Variants in RIN3 observed in about 807,000 individuals in gnomAD.
The protein encoded by RIN3 is RAB5 interacting protein 3.
In RIN3, 54 loss-of-function variants were observed where a neutral mutation model predicts 76.3. That is an observed-to-expected ratio of 0.71 (90% confidence interval 0.57 to 0.89). The LOEUF (loss-of-function observed/expected upper bound fraction) is 0.89, where lower values mean the gene tolerates loss of function less well. Ranked by LOEUF, RIN3 falls within the 40% of genes least tolerant of loss-of-function variation. The probability of loss-of-function intolerance (pLI) is 0.00; values close to 1 mark genes in which losing one functional copy is unlikely to be tolerated. For synonymous variants in RIN3, 576 were observed against 564.0 expected, an observed-to-expected ratio of 1.02 and a Z score of -0.30; for missense variants, 1,256 against 1,322.1, an observed-to-expected ratio of 0.95 and a Z score of 0.78.
At chr14:92,654,503 G>T (rs115717208) in intron 6 of RIN3, among the ~76,000 whole-genome samples, 1 of 152,166 alleles carries the variant, frequency 6.6e-6, no homozygotes, top group Non-Finnish European at 1.5e-5. Context: ...TGCTGGGTAC[G>T]GTAAAGGACA....
chr14:92,568,311 G>A lies in RIN3; in HGVS notation c.250-9049G>A, dbSNP rs767037076. ...TATGACCTGGGGACACTCGATCAGC[G>A]AGTGGGCAGGGAGGCAATGTAGATA... On this transcript the variant is annotated intron_variant, in intron 2 of 9. Transcript: ENST00000216487. The surrounding 1 kb of genome is among the most constrained non-coding windows in gnomAD (Gnocchi z 4.2). 4.6e-5 allele frequency among the ~76,000 whole-genome samples: 7 copies of A among 152,174 alleles called. No homozygotes were observed. Among genetic ancestry groups the A allele is most frequent in the Non-Finnish European group, 7.3e-5 (5 of 68,034 alleles).
chr14:92,547,621 C>T (rs1453756628), intron 1 of RIN3, among the ~76,000 whole-genome samples: 1 of 152,050 alleles, frequency 6.6e-6, no homozygotes, highest in Non-Finnish European at 1.5e-5. Context: ...GTCTCAAACT[C>T]CTCAACTGTA....
intron 3 of RIN3, among the ~76,000 whole-genome samples, chr14:92,599,619 G>C (rs1885275350): frequency 6.6e-6 from 1 of 152,114 alleles, no homozygotes; most frequent in African/African-American, 2.4e-5. Context: ...GCAAATACTT[G>C]ACAAGAAAGA....
chr14:92,595,722 G>A (rs1200233222), intron 3 of RIN3, among the ~76,000 whole-genome samples: 2 of 152,144 alleles, frequency 1.3e-5, no homozygotes, highest in Non-Finnish European at 2.9e-5. Flanking sequence ...ACCTCACCTG[G>A]CAAGAGACAG....
chr14:92,547,150 TTTA>T lies in RIN3; in HGVS notation c.45-8593_45-8591del, dbSNP rs10696268. On this transcript the variant is annotated intron_variant, in intron 1 of 9. Coordinates refer to ENST00000216487, the MANE Select transcript of RIN3 (RefSeq NM_024832.5). ...TTATTATAAAGTAAATTATCTTTAT[TTTA>T]TTATTATAAAATAAATTATCTTTAT... is the stretch of plus-strand genomic sequence containing the variant. Among the ~76,000 whole-genome samples, 5 of 41,616 alleles carry T rather than the reference TTTA, an allele frequency of 1.2e-4. 2 individuals carry two copies. The highest frequency in any genetic ancestry group is 2.6e-4 in the Admixed American group (1 of 3,836). 27.3% of individuals were successfully genotyped at this position (41,616 alleles called of 152,430 possible).
intron 3 of RIN3, among the ~76,000 whole-genome samples, chr14:92,604,868 T>C (rs1306388945): frequency 1.3e-5 from 2 of 148,558 alleles, no homozygotes; most frequent in Non-Finnish European, 3.0e-5. Flanking sequence ...CCTGTTACCC[T>C]TCTGTTGAGG....
At chr14:92,598,417 C>G (rs1030622701) in intron 3 of RIN3, among the ~76,000 whole-genome samples, 1 of 152,216 alleles carries the variant, frequency 6.6e-6, no homozygotes. Context: ...CCCAGCTGAG[C>G]CTTGCCAAAT....
At position 92,514,079 on chromosome 14, in the gene RIN3, C is replaced by A; in HGVS notation, c.44+103C>A. The A allele has an allele frequency of 1.2e-6, 1 of 846,692 alleles. No individual in the cohort carries two copies. Among genetic ancestry groups the A allele is most frequent in the East Asian group, 3.4e-5 (1 of 29,588 alleles). 52.4% of individuals were successfully genotyped at this position (846,692 alleles called of 1,614,324 possible). A position where few individuals can be genotyped will look rare whatever the true frequency, so the allele number is the denominator to read the frequency against. The stretch of plus-strand genomic sequence containing the variant: ...CCCAGAGAGTCCTTCGGGCGCGTGA[C>A]CTCGGGGTTGTCGGGCTGATACGGG... On this transcript the variant is annotated intron_variant, in intron 1 of 9. Coordinates refer to ENST00000216487, the MANE Select transcript of RIN3 (RefSeq NM_024832.5). The surrounding 1 kb of genome is among the most constrained non-coding windows in gnomAD (Gnocchi z 7.2).
intron 2 of RIN3, among the ~76,000 whole-genome samples, chr14:92,576,981 C>A (rs953184048): frequency 6.6e-6 from 1 of 152,000 alleles, no homozygotes; most frequent in African/African-American, 2.4e-5. Flanking sequence ...AGTGTAGACT[C>A]AGCACTGCTC....
chr14:92,610,490 G>A (rs1454951979), intron 3 of RIN3, among the ~76,000 whole-genome samples: 1 of 152,180 alleles, frequency 6.6e-6, no homozygotes. Flanking sequence ...CAGGGGACAG[G>A]GAAAAGTGAG....
intron 1 of RIN3, among the ~76,000 whole-genome samples, chr14:92,538,469 G>C (rs1897060395): frequency 6.6e-6 from 1 of 152,166 alleles, no homozygotes; most frequent in South Asian, 2.1e-4. Context: ...TGTGGTAGAT[G>C]GGCCAGACAC....
At chr14:92,634,534 G>T (rs1289018818) in intron 4 of RIN3, among the ~76,000 whole-genome samples, 2 of 152,068 alleles carry the variant, frequency 1.3e-5, no homozygotes, top group Non-Finnish European at 2.9e-5. Context: ...CTCACCGAAG[G>T]CTGCATGCAC....
In RIN3 at chr14:92,555,962, G is replaced by T. The variant is rs1367047828; in HGVS notation, c.249+7G>T. 1.2e-6 allele frequency: 2 copies of T among 1,609,898 alleles called. No individual in the cohort carries two copies. Among genetic ancestry groups the T allele is most frequent in the Non-Finnish European group, 1.7e-6 (2 of 1,179,502 alleles). ...GCACCGGGTGGTGGCTGGGGTGAGT[G>T]GGGGCGTCTCCCACTTGGTAGGCAC... On this transcript the variant is annotated splice_region_variant and intron_variant, in intron 2 of 9. Transcript: ENST00000216487.
chr14:92,641,286 C>A lies in RIN3; in HGVS notation c.489C>A (p.Ala163=). 6.2e-7 allele frequency: 1 copy of A among 1,614,144 alleles called. No homozygotes were observed. Among genetic ancestry groups the A allele is most frequent in the Non-Finnish European group, 8.5e-7 (1 of 1,179,986 alleles). The part of the protein sequence containing the change: ...TLRLPQAILE[A]SSFTDLETIA... ...GGCTACCCCAGGCCATCCTTGAGGC[C>A]AGCAGCTTCACGGACCTTGAGACCA... Residue 163 remains alanine (A), a synonymous_variant, in exon 5 of 10, where the codon GCC becomes GCA. Coordinates refer to ENST00000216487, the MANE Select transcript of RIN3 (RefSeq NM_024832.5).
Position 92,561,043 on chromosome 14 carries a change from A to AT in RIN3, c.249+5088_249+5089insT, listed in dbSNP as rs1369135451. On this transcript the variant is annotated intron_variant, in intron 2 of 9. Coordinates refer to ENST00000216487, the MANE Select transcript of RIN3 (RefSeq NM_024832.5). Reference sequence around the variant, plus strand: ...TCTAAAAAAAAAAAAAAAAAAAAAAAAATATATATATATCTGCCATATATA... The same window carrying AT: ...TCTAAAAAAAAAAAAAAAAAAAAAAATAATATATATATATCTGCCATATATA... Among the ~76,000 whole-genome samples, 500 of 75,984 alleles carry AT rather than the reference A, an allele frequency of 6.6e-3. 74 individuals are homozygous for AT. The highest frequency in any genetic ancestry group is 0.041 in the East Asian group (82 of 2,014). The allele number at this position is 75,984 out of a possible 152,430, so 49.8% of individuals were successfully genotyped here. A position where few individuals can be genotyped will look rare whatever the true frequency, so the allele number is the denominator to read the frequency against.
chr14:92,659,054 C>A, intron 6 of RIN3, 107 bp from the exon 7 acceptor site: 1 of 1,046,610 alleles, frequency 9.6e-7, no homozygotes, highest in Non-Finnish European at 1.4e-6. Flanking sequence ...TGTGAGTGTC[C>A]TTCCAGGGGC....
In RIN3 at chr14:92,582,369, T is replaced by C. The variant is rs78522734; in HGVS notation, c.367+4892T>C. ...AACCTAACACTTCCATCATCGTTCA[T>C]GTGCATTCACTATAAATACACAGGT... On this transcript the variant is annotated intron_variant, in intron 3 of 9. Coordinates refer to ENST00000216487, the MANE Select transcript of RIN3 (RefSeq NM_024832.5). Among the ~76,000 whole-genome samples, 525 of 152,294 alleles carry C rather than the reference T, an allele frequency of 3.4e-3. 14 individuals are homozygous for C. In the South Asian group the frequency reaches 0.057, roughly 17 times the overall value.
chr14:92,527,816 T>C (rs1896782749), intron 1 of RIN3, among the ~76,000 whole-genome samples: 1 of 152,196 alleles, frequency 6.6e-6, no homozygotes, highest in Non-Finnish European at 1.5e-5. Flanking sequence ...TGGGTTGTCG[T>C]GTGACTCGAG....
chr14:92,673,985 G>T (rs927077265), intron 7 of RIN3, among the ~76,000 whole-genome samples: 4 of 152,220 alleles, frequency 2.6e-5, no homozygotes, highest in Non-Finnish European at 5.9e-5. Flanking sequence ...TTTCTTGAGT[G>T]TAGTGCGTTT....
Sources: gnomAD v4.1 joint callset for allele counts (sites outside exome capture counted in the v4.1 genomes callset) on GRCh38, gnomAD v4.1.1 for gene constraint, Gnocchi (gnomAD v3.1) non-coding constraint, MANE v1.5 for transcripts, NCBI Gene and HGNC (gene_info 2026-07-23, HGNC 2026-07-21) for gene names.